Variants in FMN2 observed in about 807,000 individuals in gnomAD.
The protein encoded by FMN2 is formin 2, also known as formin-2.
A neutral mutation model predicts 142.3 loss-of-function variants in FMN2; 51 were observed. The observed-to-expected ratio is 0.36, with a 90% CI of 0.29 to 0.45. The LOEUF (loss-of-function observed/expected upper bound fraction) is 0.45. Ranked by LOEUF, FMN2 falls within the 20% of genes least tolerant of loss-of-function variation. The pLI, the probability that FMN2 is intolerant of heterozygous loss-of-function variation, is 1.00. For synonymous variants in FMN2, 882 were observed against 869.8 expected, an observed-to-expected ratio of 1.01 and a Z score of -0.25; for missense variants, 1,936 against 2,122.8, an observed-to-expected ratio of 0.91 and a Z score of 1.73.
chr1:240,093,120 C>T lies in FMN2; in HGVS notation c.1011C>T (p.Ala337=), dbSNP rs867121123. ...EAGPGEEAAG[A]PVRGAGDTDE... ...GGCCGGGGGAGGAAGCGGCCGGAGC[C>T]CCCGTGCGAGGGGCTGGGGACACGG... The change falls in exon 1 of 18, where the codon GCC becomes GCT. Residue 337 remains alanine (A), a synonymous_variant. Coordinates refer to ENST00000319653, the MANE Select transcript of FMN2 (RefSeq NM_020066.5). 11 of 1,399,282 alleles carry T rather than the reference C, an allele frequency of 7.9e-6. No individual in the cohort carries two copies. Among genetic ancestry groups the T allele is most frequent in the Non-Finnish European group, 1.0e-5 (11 of 1,085,980 alleles). 86.7% of individuals were successfully genotyped at this position (1,399,282 alleles called of 1,614,324 possible).
At chr1:240,209,294 A>G (rs1666583373) in intron 5 of FMN2, among the ~76,000 whole-genome samples, 1 of 149,838 alleles carries the variant, frequency 6.7e-6, no homozygotes, top group African/African-American at 2.5e-5. Flanking sequence ...TCTGTCACCC[A>G]GGCTGGAGTG....
At chr1:240,332,303 C>G (rs529475153) in intron 11 of FMN2, among the ~76,000 whole-genome samples, 1 of 151,274 alleles carries the variant, frequency 6.6e-6, no homozygotes, top group Admixed American at 6.6e-5. Flanking sequence ...AGCATGAGCC[C>G]GTAATCCCAG....
At chr1:240,433,464 T>G (rs773521383) in intron 15 of FMN2, among the ~76,000 whole-genome samples, 2 of 152,226 alleles carry the variant, frequency 1.3e-5, no homozygotes, top group African/African-American at 2.4e-5. Flanking sequence ...GCATTTTCTA[T>G]TTTCTTTGTT....
At position 240,103,025 on chromosome 1, in the gene FMN2, C is replaced by T. The variant is rs373085334; in HGVS notation, c.1615+9301C>T. ...GACTATAGGCACATGCCACCACACC[C>T]GGCCGATTTTTGCATTTTTTTGTAG... On this transcript the variant is annotated intron_variant, in intron 1 of 17. Transcript: ENST00000319653. Among the ~76,000 whole-genome samples, 4 of 152,010 alleles carry T rather than the reference C, an allele frequency of 2.6e-5. No individual in the cohort carries two copies. In the East Asian group the frequency reaches 7.8e-4, roughly 30 times the overall value.
At chr1:240,220,779 C>T (rs1272476286) in intron 6 of FMN2, among the ~76,000 whole-genome samples, 2 of 151,846 alleles carry the variant, frequency 1.3e-5, no homozygotes, top group Non-Finnish European at 2.9e-5. Context: ...AGGTTTGTTA[C>T]ATAGGTATAC....
chr1:240,279,016 G>A (rs773800829), intron 7 of FMN2, among the ~76,000 whole-genome samples: 19 of 152,094 alleles, frequency 1.2e-4, no homozygotes, highest in African/African-American at 2.4e-4. Flanking sequence ...ACCTGAGCTC[G>A]AACTGTAATT....
At chr1:240,373,236 T>A (rs557313181) in intron 14 of FMN2, among the ~76,000 whole-genome samples, 8 of 152,250 alleles carry the variant, frequency 5.3e-5, no homozygotes, top group Middle Eastern at 3.4e-3. Flanking sequence ...AGTTGTGATC[T>A]TTTTTCTGGT....
intron 2 of FMN2, among the ~76,000 whole-genome samples, chr1:240,126,364 A>ACCCC (rs367989696): frequency 2.3e-5 from 3 of 129,618 alleles, no homozygotes; most frequent in African/African-American, 5.8e-5. Flanking sequence ...CTTCCTACCT[A>ACCCC]CCCCCCCCCA....
intron 5 of FMN2, among the ~76,000 whole-genome samples, chr1:240,210,196 G>A (rs2103400498): frequency 6.6e-6 from 1 of 152,278 alleles, no homozygotes; most frequent in East Asian, 1.9e-4. Context: ...GTGTTGCCTA[G>A]TCATTGAGAC....
intron 6 of FMN2, among the ~76,000 whole-genome samples, chr1:240,214,894 T>G (rs1344165799): frequency 6.6e-6 from 1 of 152,158 alleles, no homozygotes; most frequent in African/African-American, 2.4e-5. Flanking sequence ...GGGGAAATTC[T>G]GAATCTATAA....
At chr1:240,278,661 G>C (rs1454221331) in intron 7 of FMN2, among the ~76,000 whole-genome samples, 1 of 152,084 alleles carries the variant, frequency 6.6e-6, no homozygotes, top group Non-Finnish European at 1.5e-5. Context: ...ACTTTTAAGG[G>C]CTTTATTAAA....
At chr1:240,223,940 A>T (rs918889053) in intron 6 of FMN2, among the ~76,000 whole-genome samples, 10 of 151,944 alleles carry the variant, frequency 6.6e-5, no homozygotes, top group Admixed American at 2.6e-4. Flanking sequence ...CAGCTCCTGG[A>T]TTCGTTGATT....
chr1:240,355,852 C>T lies in FMN2; in HGVS notation c.4802C>T (p.Ser1601Phe). The change falls in exon 14 of 18, where the codon TCC (serine) becomes TTC (phenylalanine). Residue 1601 changes from serine to phenylalanine, a missense_variant. Physicochemically the swap from Ser to Phe is radical, Grantham distance 155. Coordinates refer to ENST00000319653, the MANE Select transcript of FMN2 (RefSeq NM_020066.5). ...GAAGCAGGGAAAGTATACCAGGTCT[C>T]CTCAAAAGAGCATATGCAGCCTTTC... ...EVEAGKVYQVSSKEHMQPFKE... is the reference protein window; with the variant it reads ...EVEAGKVYQVFSKEHMQPFKE... 1.2e-6 allele frequency: 2 copies of T among 1,606,636 alleles called. No homozygotes were observed. Among genetic ancestry groups the T allele is most frequent in the South Asian group, 1.1e-5 (1 of 90,780 alleles).
chr1:240,394,147 T>C (rs1451522682), intron 15 of FMN2, among the ~76,000 whole-genome samples: 1 of 152,180 alleles, frequency 6.6e-6, no homozygotes, highest in African/African-American at 2.4e-5. Flanking sequence ...TGGCCTCTCA[T>C]TGTCCAGATG....
At chr1:240,247,762 T>C (rs1020480020) in intron 6 of FMN2, among the ~76,000 whole-genome samples, 19 of 152,306 alleles carry the variant, frequency 1.2e-4, no homozygotes, top group African/African-American at 4.3e-4. Context: ...TCTCATGTTC[T>C]GATTAGTAGG....
intron 14 of FMN2, among the ~76,000 whole-genome samples, chr1:240,377,826 G>A (rs1364340370): frequency 1.3e-5 from 2 of 151,910 alleles, no homozygotes; most frequent in Admixed American, 6.6e-5. Flanking sequence ...ATATTCCCAT[G>A]TAATATATTT....
intron 3 of FMN2, 132 bp downstream of exon 3, chr1:240,178,200 T>G: frequency 1.8e-6 from 2 of 1,099,476 alleles, no homozygotes; most frequent in Non-Finnish European, 2.4e-6. Context: ...TTCAAAAAGT[T>G]TTTACTTTGG....
intron 2 of FMN2, among the ~76,000 whole-genome samples, chr1:240,132,162 C>T (rs979917090): frequency 3.9e-5 from 6 of 152,066 alleles, no homozygotes; most frequent in African/African-American, 7.2e-5. Context: ...ATACTAAAGA[C>T]GGAACAGATT....
At chr1:240,415,816 C>A (rs1435851638) in intron 15 of FMN2, among the ~76,000 whole-genome samples, 1 of 152,262 alleles carries the variant, frequency 6.6e-6, no homozygotes, top group East Asian at 1.9e-4. Flanking sequence ...ATAAGAGCTG[C>A]AAAGTTTATT....
Sources: allele counts gnomAD v4.1 joint callset (sites outside exome capture counted in the v4.1 genomes callset), GRCh38; gene constraint gnomAD v4.1.1; transcripts MANE v1.5; gene names NCBI Gene and HGNC (gene_info 2026-07-23, HGNC 2026-07-21).